ZBTB20: variants seen among roughly 807,000 people sequenced by gnomAD.
The protein encoded by ZBTB20 is zinc finger and BTB domain-containing protein 20.
ZBTB20 carries 9 observed loss-of-function variants against 56.9 expected under a neutral mutation model. That is an observed-to-expected ratio of 0.16 (90% CI 0.10 to 0.28). The LOEUF is 0.28. ZBTB20 is among the 10% of genes least tolerant of loss of function. ZBTB20 has a pLI of 1.00. For synonymous variants in ZBTB20, 417 were observed against 420.7 expected (o/e 0.99, Z 0.11); for missense variants, 655 against 1,003.0 (o/e 0.65, Z 4.69).
intron 6 of ZBTB20, among the ~76,000 whole-genome samples, chr3:114,689,919 A>T (rs1341012358): frequency 6.6e-6 from 1 of 152,114 alleles, no homozygotes; most frequent in Admixed American, 6.6e-5. Flanking sequence ...GCCATCCGAT[A>T]TAGTTCTAAC....
chr3:114,465,768 A>T (rs10511332), intron 7 of ZBTB20, among the ~76,000 whole-genome samples: 44,296 of 151,798 alleles, frequency 0.29, 9,068 homozygotes, highest in African/African-American at 0.57. Flanking sequence ...GGAGGTCCAA[A>T]GTCCAATGTT....
At chr3:114,516,826 G>A (rs1482056227) in intron 6 of ZBTB20, among the ~76,000 whole-genome samples, 8 of 152,156 alleles carry the variant, frequency 5.3e-5, no homozygotes, top group Non-Finnish European at 7.4e-5. Context: ...AAGCTGGGTG[G>A]GAGTCACGGA....
chr3:114,779,118 T>A (rs1006144886), intron 5 of ZBTB20, among the ~76,000 whole-genome samples: 2 of 152,194 alleles, frequency 1.3e-5, no homozygotes, highest in Non-Finnish European at 2.9e-5. Flanking sequence ...TTCCACTATC[T>A]GGGGTGCTGA....
At chr3:115,062,725 A>G (rs2082055286) in intron 2 of ZBTB20, among the ~76,000 whole-genome samples, 1 of 152,158 alleles carries the variant, frequency 6.6e-6, no homozygotes, top group Non-Finnish European at 1.5e-5. Context: ...ACCAAATCAC[A>G]TAACCTCCAT....
chr3:114,671,563 C>T (rs570865155), intron 6 of ZBTB20, among the ~76,000 whole-genome samples: 6 of 151,638 alleles, frequency 4.0e-5, no homozygotes, highest in East Asian at 3.9e-4. Context: ...TTATTGTTGT[C>T]GCTCCCCCTT....
At chr3:114,876,759 T>C (rs914677439) in intron 4 of ZBTB20, among the ~76,000 whole-genome samples, 6 of 152,156 alleles carry the variant, frequency 3.9e-5, no homozygotes, top group Non-Finnish European at 4.4e-5. Context: ...CACCCTACCA[T>C]AGCCAACCAT....
intron 1 of ZBTB20, among the ~76,000 whole-genome samples, chr3:115,090,059 A>G (rs2083129712): frequency 6.6e-6 from 1 of 151,848 alleles, no homozygotes; most frequent in Non-Finnish European, 1.5e-5. Flanking sequence ...TAGTTTTTGC[A>G]AAATATGGAA....
chr3:114,316,576 A>G lies in ZBTB20; in HGVS notation c.*22429T>C, dbSNP rs1189914126. On this transcript the variant is annotated 3_prime_UTR_variant, in exon 12 of 12. Transcript: ENST00000675478. ...ACATAATATAGTGTATATCGTTTCAACTGGAGATAAACTGAACTGGGTTCA... is the reference window on the plus strand; with the variant it reads ...ACATAATATAGTGTATATCGTTTCAGCTGGAGATAAACTGAACTGGGTTCA... 1.9e-6 allele frequency: 1 copy of G among 533,492 alleles called. No homozygotes were observed. The highest frequency in any genetic ancestry group is 3.9e-6 in the Non-Finnish European group (1 of 259,676). 33.0% of individuals were successfully genotyped at this position (533,492 alleles called of 1,614,324 possible). A position where few individuals can be genotyped will look rare whatever the true frequency, so the allele number is the denominator to read the frequency against.
intron 6 of ZBTB20, among the ~76,000 whole-genome samples, chr3:114,626,525 G>A (rs933072689): frequency 8.5e-5 from 13 of 152,124 alleles, no homozygotes; most frequent in Non-Finnish European, 1.0e-4. Flanking sequence ...GGATTGAGAG[G>A]AATCAATATG....
intron 5 of ZBTB20, among the ~76,000 whole-genome samples, chr3:114,707,030 C>T (rs1042039446): frequency 6.6e-6 from 1 of 152,118 alleles, no homozygotes; most frequent in African/African-American, 2.4e-5. Context: ...CATTCACACA[C>T]ACTGAAAAGC....
At chr3:114,670,328 C>T (rs890895760) in intron 6 of ZBTB20, among the ~76,000 whole-genome samples, 2 of 152,020 alleles carry the variant, frequency 1.3e-5, no homozygotes, top group Non-Finnish European at 2.9e-5. Context: ...GGAATCATAT[C>T]TTACTGAGGA....
In ZBTB20 at chr3:114,315,724, C is replaced by G. The variant is rs865936490; in HGVS notation, c.*23281G>C. The G allele has an allele frequency of 9.8e-6, 1 of 101,544 alleles. No individual in the cohort carries two copies. The highest frequency in any genetic ancestry group is 2.1e-5 in the Non-Finnish European group (1 of 48,422). The allele number at this position is 101,544 out of a possible 1,614,324, so 6.3% of individuals were successfully genotyped here. A position where few individuals can be genotyped will look rare whatever the true frequency, so the allele number is the denominator to read the frequency against. ...TTCGAATCTTATCACAACACTGCGG[C>G]GGGAAAATCAGGAAATGGGTTCACC... On this transcript the variant is annotated 3_prime_UTR_variant, in exon 12 of 12. Transcript: ENST00000675478.
chr3:114,843,354 CCTTGT>C (rs2074478821), intron 4 of ZBTB20, among the ~76,000 whole-genome samples: 1 of 152,084 alleles, frequency 6.6e-6, no homozygotes, highest in South Asian at 2.1e-4. Flanking sequence ...ACTATAAGTA[CCTTGT>C]CTTATTTATT....
chr3:114,793,183 A>G (rs1365442474), intron 5 of ZBTB20, among the ~76,000 whole-genome samples: 4 of 151,928 alleles, frequency 2.6e-5, no homozygotes, highest in African/African-American at 4.8e-5. Context: ...CCTGGCCCCA[A>G]AGTTTTGCAT....
rs549674585 is a variant in ZBTB20 at position 115,144,411 on chromosome 3, G to A, written c.-703+2808C>T. On this transcript the variant is annotated intron_variant, in intron 1 of 11. Coordinates refer to ENST00000675478, the MANE Select transcript of ZBTB20 (RefSeq NM_001348800.3). ...TTCACTAATGCAACAAAAATGATTC[G>A]CTTAAAATATTTTTTCCTTAGATTT... is the stretch of plus-strand genomic sequence containing the variant. 4.6e-5 allele frequency among the ~76,000 whole-genome samples: 7 copies of A among 152,040 alleles called. No individual in the cohort carries two copies. In the South Asian group the frequency reaches 1.5e-3, roughly 32 times the overall value.
At chr3:115,108,887 A>G (rs1481083502) in intron 1 of ZBTB20, among the ~76,000 whole-genome samples, 1 of 152,168 alleles carries the variant, frequency 6.6e-6, no homozygotes, top group Non-Finnish European at 1.5e-5. Context: ...CCATGGGGAA[A>G]AGTGGCACGG....
chr3:114,712,391 C>G (rs1182135033), intron 5 of ZBTB20, among the ~76,000 whole-genome samples: 1 of 151,960 alleles, frequency 6.6e-6, no homozygotes, highest in East Asian at 1.9e-4. Flanking sequence ...TGGCTCACAC[C>G]TGTAATCCCA....
intron 2 of ZBTB20, among the ~76,000 whole-genome samples, chr3:114,987,386 T>C (rs555169363): frequency 6.6e-6 from 1 of 152,276 alleles, no homozygotes; most frequent in South Asian, 2.1e-4. Flanking sequence ...GGGGTAAGAC[T>C]GTTGAATCTA....
intron 11 of ZBTB20, among the ~76,000 whole-genome samples, chr3:114,346,482 G>A (rs1413639262): frequency 6.6e-6 from 1 of 151,834 alleles, no homozygotes; most frequent in East Asian, 1.9e-4. Flanking sequence ...TTTGTTGAAG[G>A]ACACACAGGC....
Sources: allele counts gnomAD v4.1 joint callset (sites outside exome capture counted in the v4.1 genomes callset), GRCh38; gene constraint gnomAD v4.1.1; transcripts MANE v1.5; gene names NCBI Gene and HGNC (gene_info 2026-07-23, HGNC 2026-07-21).